Variants in HCN4 observed in about 807,000 individuals in gnomAD.
The protein encoded by HCN4 is potassium/sodium hyperpolarization-activated cyclic nucleotide-gated channel 4.
In HCN4, 29 loss-of-function variants were observed where a neutral mutation model predicts 76.9. The ratio of observed to expected loss-of-function variants is 0.38; its 90% CI spans 0.28 to 0.51. The LOEUF is 0.51. Ranked by LOEUF, HCN4 falls within the 20% of genes least tolerant of loss-of-function variation. The pLI, the probability that HCN4 is intolerant of heterozygous loss-of-function variation, is 0.90. For synonymous variants in HCN4, 772 were observed against 762.5 expected (o/e 1.01, Z -0.21); for missense variants, 1,416 against 1,715.2 (o/e 0.83, Z 3.08).
intron 1 of HCN4, among the ~76,000 whole-genome samples, chr15:73,355,132 G>C (rs2043072207): frequency 6.6e-6 from 1 of 152,238 alleles, no homozygotes; most frequent in Non-Finnish European, 1.5e-5. Context: ...AGGCGCCCAA[G>C]TAGGTCCGCT....
chr15:73,357,835 T>G (rs2043088223), intron 1 of HCN4, among the ~76,000 whole-genome samples: 1 of 152,022 alleles, frequency 6.6e-6, no homozygotes, highest in African/African-American at 2.4e-5. Flanking sequence ...CACGTGTCCC[T>G]GGCCCCCAGG....
In HCN4 at chr15:73,325,795, C is replaced by A. The variant is rs989633439; in HGVS notation, c.1591-351G>T. Reference sequence around the variant, plus strand: ...GATCACATTTCCTTGGAATGTTACACTGGGGACAGGGAGGCCTCACCGACT... The same window carrying A: ...GATCACATTTCCTTGGAATGTTACAATGGGGACAGGGAGGCCTCACCGACT... On this transcript the variant is annotated intron_variant, in intron 4 of 7. Transcript: ENST00000261917. This position sits in a 1 kb window ranked among gnomAD's most constrained non-coding sequence, Gnocchi z 7.4. 6.6e-6 allele frequency among the ~76,000 whole-genome samples: 1 copy of A among 152,180 alleles called. No homozygotes were observed. The highest frequency in any genetic ancestry group is 1.5e-5 in the Non-Finnish European group (1 of 68,040).
chr15:73,347,899 G>T (rs576511553), intron 1 of HCN4, among the ~76,000 whole-genome samples: 1 of 152,268 alleles, frequency 6.6e-6, no homozygotes, highest in Non-Finnish European at 1.5e-5. Flanking sequence ...TGGGCTCTGG[G>T]AGCCCCAGCA....
chr15:73,360,912 G>A (rs139583814), intron 1 of HCN4, among the ~76,000 whole-genome samples: 13 of 152,294 alleles, frequency 8.5e-5, no homozygotes, highest in African/African-American at 2.9e-4. Flanking sequence ...TGGCCTTAGC[G>A]ACAGCTGGGG....
At position 73,329,672 on chromosome 15, in the gene HCN4, G is replaced by A. The variant is rs1260804406; in HGVS notation, c.1491C>T (p.Leu497=). 4 of 1,614,062 alleles carry A rather than the reference G, an allele frequency of 2.5e-6. No individual in the cohort carries two copies. The highest frequency in any genetic ancestry group is 2.2e-5 in the East Asian group (1 of 44,880). The change falls in exon 4 of 8, where the codon CTC becomes CTT. Residue 497 remains leucine, a synonymous_variant. Coordinates refer to ENST00000261917, the MANE Select transcript of HCN4 (RefSeq NM_005477.3). ...VGMSDVWLTM[L]SMIVGATCYA... ...AGCAGGTGGCACCCACGATCATGCT[G>A]AGCATGGTGAGCCAGACGTCGGACA...
chr15:73,335,851 C>T (rs2042962041), intron 2 of HCN4, among the ~76,000 whole-genome samples: 2 of 152,078 alleles, frequency 1.3e-5, no homozygotes, highest in South Asian at 2.1e-4. Context: ...CCAGTGGGGC[C>T]CTTCTTTCCT....
chr15:73,334,843 CTGCACCTTTGTGTCCCTCTCA>C (rs1390939847), intron 2 of HCN4, among the ~76,000 whole-genome samples: 1 of 152,194 alleles, frequency 6.6e-6, no homozygotes, highest in Non-Finnish European at 1.5e-5. Flanking sequence ...CTGCTAGGGA[CTGCACCTTTGTGTCCCTCTCA>C]AATTCCTACG....
At position 73,321,212 on chromosome 15, in the gene HCN4, T is replaced by TAA. The variant is rs1262426875; in HGVS notation, c.*1268_*1269insTT. ...AGCTAAGAAGTGGCAGGGCTGGGAT[T>TAA]CAAACCCAGGCCTGACTGCTGCCAA... On this transcript the variant is annotated 3_prime_UTR_variant, in exon 8 of 8. Transcript: ENST00000261917. 1.3e-5 allele frequency: 2 copies of TAA among 152,198 alleles called. No individual in the cohort carries two copies. The highest frequency in any genetic ancestry group is 2.9e-5 in the Non-Finnish European group (2 of 68,038). 9.4% of individuals were successfully genotyped at this position (152,198 alleles called of 1,614,324 possible).
intron 2 of HCN4, among the ~76,000 whole-genome samples, chr15:73,337,568 T>C (rs545557366): frequency 6.6e-6 from 1 of 152,222 alleles, no homozygotes; most frequent in African/African-American, 2.4e-5. Flanking sequence ...ATCGCCTTTA[T>C]CTTTTCATTA....
intron 1 of HCN4, among the ~76,000 whole-genome samples, chr15:73,363,770 C>T (rs2043116779): frequency 6.6e-6 from 1 of 152,204 alleles, no homozygotes. Context: ...ATCACGGCTC[C>T]TCTGACAGCT....
At position 73,322,519 on chromosome 15, in the gene HCN4, G is replaced by C; in HGVS notation, c.3574C>G (p.Pro1192Ala). ...AGPQREPGAR[P>A]EPVRSKLPSN... ...GGCAGTTTGGAGCGCACTGGCTCAGGCCTGGCCCCAGGTTCCCTCTGGGGT... is the reference window on the plus strand; with the variant it reads ...GGCAGTTTGGAGCGCACTGGCTCAGCCCTGGCCCCAGGTTCCCTCTGGGGT... The change falls in exon 8 of 8, where the codon CCT (proline) becomes GCT (alanine). Residue 1192 changes from proline to alanine, a missense_variant. Coordinates refer to ENST00000261917, the MANE Select transcript of HCN4 (RefSeq NM_005477.3). 1 of 1,602,698 alleles carries C rather than the reference G, an allele frequency of 6.2e-7. No homozygotes were observed. The highest frequency in any genetic ancestry group is 8.5e-7 in the Non-Finnish European group (1 of 1,174,762).
At position 73,322,868 on chromosome 15, in the gene HCN4, G is replaced by T; in HGVS notation, c.3225C>A (p.Thr1075=). The change falls in exon 8 of 8, where the codon ACC becomes ACA. Residue 1075 remains threonine, a synonymous_variant. Coordinates refer to ENST00000261917, the MANE Select transcript of HCN4 (RefSeq NM_005477.3). The part of the protein sequence containing the change: ...VPQRRGTPPL[T]PGRLTQDLKL... ...TGAGGTCCTGGGTGAGGCGGCCGGG[G>T]GTGAGCGGGGGTGTGCCCCGGCGCT... The T allele has an allele frequency of 6.8e-7, 1 of 1,479,422 alleles. No individual in the cohort carries two copies. The highest frequency in any genetic ancestry group is 8.9e-7 in the Non-Finnish European group (1 of 1,118,620). 91.6% of individuals were successfully genotyped at this position (1,479,422 alleles called of 1,614,324 possible).
At chr15:73,366,347 A>G (rs1017701899) in intron 1 of HCN4, among the ~76,000 whole-genome samples, 5 of 152,126 alleles carry the variant, frequency 3.3e-5, no homozygotes, top group African/African-American at 1.2e-4. Flanking sequence ...GGTTGGCAAA[A>G]TGCTCATTTT....
intron 3 of HCN4, 88 bp from the exon 4 acceptor site, chr15:73,329,879 A>T: frequency 1.8e-6 from 2 of 1,127,348 alleles, no homozygotes; most frequent in Non-Finnish European, 2.6e-6. Flanking sequence ...TCCTCACCTC[A>T]ACCTAACTTT....
chr15:73,326,897 C>T (rs1322887662), intron 4 of HCN4, among the ~76,000 whole-genome samples: 1 of 151,520 alleles, frequency 6.6e-6, no homozygotes, highest in Non-Finnish European at 1.5e-5. Flanking sequence ...AGCGATTCTC[C>T]CATCTCAGCC....
chr15:73,366,834 A>T (rs2043130370), intron 1 of HCN4, among the ~76,000 whole-genome samples: 1 of 152,194 alleles, frequency 6.6e-6, no homozygotes, highest in South Asian at 2.1e-4. Context: ...TTCACCCATC[A>T]CTATGAGCAA....
intron 1 of HCN4, among the ~76,000 whole-genome samples, chr15:73,352,865 T>G (rs1488156837): frequency 6.6e-6 from 1 of 151,648 alleles, no homozygotes; most frequent in African/African-American, 2.4e-5. Flanking sequence ...CCAGGAGGAG[T>G]CTTAGGGCTT....
chr15:73,320,431 C>T lies in HCN4; in HGVS notation c.*2050G>A, dbSNP rs148078581. On this transcript the variant is annotated 3_prime_UTR_variant, in exon 8 of 8. Transcript: ENST00000261917. ...TCAAGGCAAAACCCGATCTTGCCAA[C>T]ATTCTGGCTTGGAGCATGGAAGGTT... The T allele has an allele frequency of 2.6e-5, 4 of 152,394 alleles. No individual in the cohort carries two copies. In the East Asian group the frequency reaches 7.7e-4, roughly 29 times the overall value. The allele number at this position is 152,394 out of a possible 1,614,324, so 9.4% of individuals were successfully genotyped here.
chr15:73,363,808 G>A (rs1025797766), intron 1 of HCN4, among the ~76,000 whole-genome samples: 1 of 152,150 alleles, frequency 6.6e-6, no homozygotes, highest in Admixed American at 6.5e-5. Flanking sequence ...TCGGCAGGGC[G>A]ACCACAGTTG....
Sources: gnomAD v4.1 joint callset for allele counts (sites outside exome capture counted in the v4.1 genomes callset) on GRCh38, gnomAD v4.1.1 for gene constraint, Gnocchi (gnomAD v3.1) non-coding constraint, MANE v1.5 for transcripts, NCBI Gene and HGNC (gene_info 2026-07-23, HGNC 2026-07-21) for gene names.